Variants in PTPRD observed in about 807,000 individuals in gnomAD.
PTPRD encodes receptor-type tyrosine-protein phosphatase delta.
In PTPRD, 34 loss-of-function variants were observed where a neutral mutation model predicts 214.5. That is an observed-to-expected ratio of 0.16 (90% CI 0.12 to 0.21). PTPRD has a LOEUF of 0.21. Ranked by LOEUF, PTPRD falls within the 10% of genes least tolerant of loss-of-function variation. The pLI is 1.00. For synonymous variants in PTPRD, 1,128 were observed against 845.7 expected (o/e 1.33, Z -5.79); for missense variants, 2,545 against 2,398.7 (o/e 1.06, Z -1.27).
chr9:8,901,903 G>C (rs1230738184), intron 11 of PTPRD, among the ~76,000 whole-genome samples: 2 of 152,100 alleles, frequency 1.3e-5, no homozygotes, highest in African/African-American at 2.4e-5. Flanking sequence ...CACAGGCATA[G>C]GAACAAGTAC....
chr9:9,436,656 A>G (rs1186172876), intron 8 of PTPRD, among the ~76,000 whole-genome samples: 1 of 152,118 alleles, frequency 6.6e-6, no homozygotes, highest in East Asian at 1.9e-4. Context: ...TCATTCAAAA[A>G]TGGCACATTT....
chr9:10,513,307 C>T (rs945703329), intron 2 of PTPRD, among the ~76,000 whole-genome samples: 1 of 152,018 alleles, frequency 6.6e-6, no homozygotes, highest in Non-Finnish European at 1.5e-5. Context: ...CAGTGAATGA[C>T]TATAAGTGCA....
intron 12 of PTPRD, among the ~76,000 whole-genome samples, chr9:8,672,022 G>A (rs866883144): frequency 1.3e-5 from 2 of 152,094 alleles, no homozygotes; most frequent in Non-Finnish European, 2.9e-5. Flanking sequence ...TCATTCACAA[G>A]TTTTCATTCA....
chr9:9,740,730 T>C (rs1283324615), intron 6 of PTPRD, among the ~76,000 whole-genome samples: 2 of 152,284 alleles, frequency 1.3e-5, no homozygotes, highest in Non-Finnish European at 2.9e-5. Flanking sequence ...AGTATTTTCA[T>C]TGTTTTTTCT....
intron 9 of PTPRD, among the ~76,000 whole-genome samples, chr9:9,226,816 G>A (rs1347641042): frequency 1.3e-5 from 2 of 151,914 alleles, no homozygotes; most frequent in Admixed American, 1.3e-4. Flanking sequence ...CATATAATAG[G>A]TACTTAACAA....
chr9:9,018,993 A>T (rs2154367931), intron 10 of PTPRD, among the ~76,000 whole-genome samples: 1 of 152,250 alleles, frequency 6.6e-6, no homozygotes, highest in Non-Finnish European at 1.5e-5. Flanking sequence ...GTTTTAAAAT[A>T]TTTAATGTAT....
At chr9:9,416,439 G>C (rs1054818331) in intron 8 of PTPRD, among the ~76,000 whole-genome samples, 2 of 152,166 alleles carry the variant, frequency 1.3e-5, no homozygotes, top group African/African-American at 4.8e-5. Context: ...GGGAGTTTAT[G>C]ATAATTAAAT....
At chr9:9,994,362 A>G (rs2096054723) in intron 4 of PTPRD, among the ~76,000 whole-genome samples, 2 of 152,168 alleles carry the variant, frequency 1.3e-5, no homozygotes, top group Non-Finnish European at 2.9e-5. Flanking sequence ...GCACCAATGT[A>G]CTTTATTACT....
At chr9:9,360,959 AAAAAGAAAG>A (rs2055900708) in intron 9 of PTPRD, among the ~76,000 whole-genome samples, 1 of 151,192 alleles carries the variant, frequency 6.6e-6, no homozygotes, top group Non-Finnish European at 1.5e-5. Flanking sequence ...AAAACGATGT[AAAAAGAAAG>A]AACTGCAGTG....
intron 11 of PTPRD, among the ~76,000 whole-genome samples, chr9:8,873,363 G>T (rs1217233764): frequency 2.0e-5 from 3 of 152,062 alleles, no homozygotes; most frequent in Non-Finnish European, 2.9e-5. Flanking sequence ...GTATGTGGTT[G>T]TTTTAATTAT....
chr9:8,495,382 C>G (rs1386737067), intron 26 of PTPRD, among the ~76,000 whole-genome samples: 2 of 152,142 alleles, frequency 1.3e-5, no homozygotes, highest in Non-Finnish European at 2.9e-5. Context: ...TTTTTCATTT[C>G]TACTGCCTCA....
chr9:9,880,672 C>T lies in PTPRD; in HGVS notation c.-368+57835G>A, dbSNP rs569395711. 2.0e-5 allele frequency among the ~76,000 whole-genome samples: 3 copies of T among 152,200 alleles called. No individual in the cohort carries two copies. In the East Asian group the frequency reaches 5.8e-4, roughly 29 times the overall value. On this transcript the variant is annotated intron_variant, in intron 5 of 45. Transcript: ENST00000381196. ...TGTGTGTGATAAGCAGTGTTTTATA[C>T]ACACTGAGCAGTAATTATTATTACA...
chr9:10,100,371 G>C (rs190871854), intron 3 of PTPRD, among the ~76,000 whole-genome samples: 1 of 151,756 alleles, frequency 6.6e-6, no homozygotes, highest in East Asian at 1.9e-4. Flanking sequence ...GAAAGAAGTG[G>C]AATTTGAACC....
At chr9:9,407,874 A>C (rs1383186701) in intron 8 of PTPRD, among the ~76,000 whole-genome samples, 5 of 151,810 alleles carry the variant, frequency 3.3e-5, no homozygotes, top group African/African-American at 4.8e-5. Context: ...CCTCTCACGT[A>C]ATTATCTTGT....
intron 12 of PTPRD, among the ~76,000 whole-genome samples, chr9:8,718,042 G>A (rs1172214434): frequency 1.3e-5 from 2 of 152,218 alleles, no homozygotes; most frequent in Non-Finnish European, 2.9e-5. Context: ...GATGAAGACA[G>A]CAGAAAAAGA....
chr9:9,524,749 A>T (rs1280777837), intron 8 of PTPRD, among the ~76,000 whole-genome samples: 1 of 152,198 alleles, frequency 6.6e-6, no homozygotes, highest in Non-Finnish European at 1.5e-5. Context: ...TTTCGATTTT[A>T]CATTGACTAA....
chr9:8,738,648 C>CA lies in PTPRD; in HGVS notation c.-103-4703dup, dbSNP rs1322490029. On this transcript the variant is annotated intron_variant, in intron 11 of 45. Transcript: ENST00000381196. ...GAATAATAACTGCAAAGAACTACAA[C>CA]AAATCACATTATAATCTATGAGTTC... 2.6e-5 allele frequency among the ~76,000 whole-genome samples: 4 copies of CA among 151,724 alleles called. 1 individual carries two copies. The highest frequency in any genetic ancestry group is 2.0e-4 in the Admixed American group (3 of 15,258).
intron 3 of PTPRD, among the ~76,000 whole-genome samples, chr9:10,331,562 G>A (rs1278256034): frequency 6.6e-6 from 1 of 151,802 alleles, no homozygotes; most frequent in Admixed American, 6.6e-5. Flanking sequence ...TGAAAGTGGA[G>A]CAGTCAGAGT....
chr9:8,624,794 C>G (rs1246761414), intron 14 of PTPRD, among the ~76,000 whole-genome samples: 1 of 151,828 alleles, frequency 6.6e-6, no homozygotes, highest in Non-Finnish European at 1.5e-5. Context: ...AAGAGCATCT[C>G]TCTTCATTCC....
Sources: allele counts gnomAD v4.1 joint callset (sites outside exome capture counted in the v4.1 genomes callset), GRCh38; gene constraint gnomAD v4.1.1; transcripts MANE v1.5; gene names NCBI Gene and HGNC (gene_info 2026-07-23, HGNC 2026-07-21).